The following CDH18 variants were observed in gnomAD, a reference collection of about 807,000 sequenced individuals.
CDH18 encodes the protein cadherin-18.
In CDH18, 31 loss-of-function variants were observed where a neutral mutation model predicts 67.9. That is an observed-to-expected ratio of 0.46 (90% CI 0.34 to 0.62). The LOEUF (loss-of-function observed/expected upper bound fraction) is 0.62. Ranked by LOEUF, CDH18 falls within the 20% of genes least tolerant of loss-of-function variation. The probability of loss-of-function intolerance (pLI) is 0.01; values close to 1 mark genes in which losing one functional copy is unlikely to be tolerated. For missense variants in CDH18, 890 were observed against 975.5 expected (o/e 0.91, Z 1.17); for synonymous variants, 362 against 347.2 (o/e 1.04, Z -0.48).
chr5:19,671,859 G>A (rs1226652419), intron 5 of CDH18, among the ~76,000 whole-genome samples: 1 of 152,014 alleles, frequency 6.6e-6, no homozygotes, highest in Non-Finnish European at 1.5e-5. Flanking sequence ...AGCATTACTC[G>A]AGATGCCCTT....
chr5:19,526,308 C>T (rs930808318), intron 9 of CDH18, among the ~76,000 whole-genome samples: 2 of 152,074 alleles, frequency 1.3e-5, no homozygotes, highest in Admixed American at 6.6e-5. Flanking sequence ...ATCATCTGTG[C>T]TTTATGCAAC....
chr5:20,108,261 T>A (rs902114450), intron 2 of CDH18, among the ~76,000 whole-genome samples: 66 of 149,544 alleles, frequency 4.4e-4, no homozygotes, highest in African/African-American at 1.4e-3. Flanking sequence ...ATTTTATTTT[T>A]TTTTATTTTT....
At chr5:19,937,358 A>G (rs1474923767) in intron 2 of CDH18, among the ~76,000 whole-genome samples, 1 of 151,346 alleles carries the variant, frequency 6.6e-6, no homozygotes, top group Admixed American at 6.6e-5. Context: ...AGGAGGTGTT[A>G]TGGTGGGGTA....
intron 2 of CDH18, among the ~76,000 whole-genome samples, chr5:20,100,857 G>T (rs564804085): frequency 6.6e-5 from 10 of 152,212 alleles, no homozygotes; most frequent in African/African-American, 1.7e-4. Context: ...TGATAGCATA[G>T]ATTTTACTTT....
chr5:20,453,705 G>A lies in CDH18; in HGVS notation c.-580+121757C>T, dbSNP rs190154262. On this transcript the variant is annotated intron_variant, in intron 1 of 14. Coordinates refer to the CDH18 transcript ENST00000507958. The stretch of plus-strand genomic sequence containing the variant: ...GAAATGTTAAGTTGTGTGGTTAGCA[G>A]CTCTGATCCTGATGAGTTTACCAGC... 1.3e-3 allele frequency among the ~76,000 whole-genome samples: 193 copies of A among 152,002 alleles called. 1 individual carries two copies. The highest frequency in any genetic ancestry group is 4.6e-3 in the African/African-American group (190 of 41,512).
intron 1 of CDH18, among the ~76,000 whole-genome samples, chr5:20,315,274 C>T (rs1737360311): frequency 6.6e-6 from 1 of 151,944 alleles, no homozygotes; most frequent in Non-Finnish European, 1.5e-5. Context: ...ATCATAAATC[C>T]ATACAGTGCT....
At chr5:19,550,361 C>T (rs1429011775) in intron 8 of CDH18, among the ~76,000 whole-genome samples, 1 of 151,970 alleles carries the variant, frequency 6.6e-6, no homozygotes, top group East Asian at 1.9e-4. Flanking sequence ...GTGCTGCACC[C>T]ATTAACTCGT....
rs1828153 is a variant in CDH18 at position 20,221,932 on chromosome 5, T to G, written c.-518+33512A>C. Among the ~76,000 whole-genome samples the G allele has an allele frequency of 8.7e-3, 1,329 of 152,302 alleles. 21 individuals carry two copies. Among genetic ancestry groups the G allele is most frequent in the African/African-American group, 0.029 (1,219 of 41,582 alleles). On this transcript the variant is annotated intron_variant, in intron 2 of 14. Transcript: ENST00000507958. ...CTTCCTTTTGCAGGTTTCCTTCAAT[T>G]TATCTTGTTGTACTTATATGCTCAC...
chr5:19,510,719 C>T (rs923738101), intron 10 of CDH18, among the ~76,000 whole-genome samples: 1 of 152,008 alleles, frequency 6.6e-6, no homozygotes, highest in South Asian at 2.1e-4. Context: ...TCCCACATAA[C>T]CCCTACCTGG....
chr5:19,819,115 T>C (rs1186948113), intron 3 of CDH18, among the ~76,000 whole-genome samples: 1 of 151,846 alleles, frequency 6.6e-6, no homozygotes, highest in Non-Finnish European at 1.5e-5. Flanking sequence ...TATCATTTAT[T>C]ATTACAAAGT....
chr5:20,105,930 C>A (rs935652216), intron 2 of CDH18, among the ~76,000 whole-genome samples: 2 of 151,996 alleles, frequency 1.3e-5, no homozygotes, highest in Admixed American at 1.3e-4. Context: ...TTTTTTCCTG[C>A]TACGTCTATA....
At chr5:20,530,639 G>C (rs1303884550) in intron 1 of CDH18, among the ~76,000 whole-genome samples, 1 of 152,034 alleles carries the variant, frequency 6.6e-6, no homozygotes, top group Non-Finnish European at 1.5e-5. Flanking sequence ...AATGGGAAAA[G>C]GAATTTCTAT....
chr5:20,549,061 C>T (rs945794682), intron 1 of CDH18, among the ~76,000 whole-genome samples: 2 of 152,092 alleles, frequency 1.3e-5, no homozygotes, highest in Non-Finnish European at 2.9e-5. Context: ...ATGTCTCATG[C>T]TGCCTGTGAT....
intron 1 of CDH18, among the ~76,000 whole-genome samples, chr5:20,414,824 A>T (rs1201966838): frequency 6.6e-6 from 1 of 152,194 alleles, no homozygotes; most frequent in Non-Finnish European, 1.5e-5. Flanking sequence ...AGCAATAGCA[A>T]CCACAGCAAA....
chr5:20,390,047 C>T (rs374676072), intron 1 of CDH18, among the ~76,000 whole-genome samples: 1 of 152,082 alleles, frequency 6.6e-6, no homozygotes, highest in Non-Finnish European at 1.5e-5. Context: ...AGAAGAAAAC[C>T]TAGGCAATAC....
Position 20,436,834 on chromosome 5 carries a change from A to G in CDH18, c.-580+138628T>C, listed in dbSNP as rs141470770. Among the ~76,000 whole-genome samples the G allele has an allele frequency of 4.7e-3, 719 of 151,586 alleles. 4 individuals are homozygous for G. Among genetic ancestry groups the G allele is most frequent in the Admixed American group, 9.0e-3 (137 of 15,166 alleles). ...AAAAACCAAAAAAAAAAAATTCCCA[A>G]AACTGTTAGTAAGGGAAGTGGTTTT... On this transcript the variant is annotated intron_variant, in intron 1 of 14. Transcript: ENST00000507958.
intron 10 of CDH18, among the ~76,000 whole-genome samples, chr5:19,513,145 T>C (rs1249839268): frequency 3.3e-5 from 5 of 152,096 alleles, no homozygotes; most frequent in Non-Finnish European, 7.4e-5. Flanking sequence ...TCTCACTTTG[T>C]TACCCAGGCT....
intron 2 of CDH18, among the ~76,000 whole-genome samples, chr5:20,089,559 T>C (rs1321260447): frequency 1.3e-5 from 2 of 152,296 alleles, no homozygotes; most frequent in East Asian, 1.9e-4. Context: ...GACAATATTT[T>C]GGATGAATAC....
intron 2 of CDH18, among the ~76,000 whole-genome samples, chr5:20,223,576 T>C (rs1022252301): frequency 2.6e-5 from 4 of 152,136 alleles, no homozygotes; most frequent in African/African-American, 9.7e-5. Context: ...GGCAGAATTA[T>C]ATGGTTTGGC....
Sources: allele counts gnomAD v4.1 joint callset (sites outside exome capture counted in the v4.1 genomes callset), GRCh38; gene constraint gnomAD v4.1.1; transcripts MANE v1.5; gene names NCBI Gene and HGNC (gene_info 2026-07-23, HGNC 2026-07-21).